Variants in TAF5 observed in about 807,000 individuals in gnomAD.
TAF5 encodes TATA-box binding protein associated factor 5.
A neutral mutation model predicts 80.9 loss-of-function variants in TAF5; 20 were observed. That is an observed-to-expected ratio of 0.25 (90% CI 0.17 to 0.36). The LOEUF (loss-of-function observed/expected upper bound fraction) is 0.36, where lower values mean the gene tolerates loss of function less well. Among genes scored for constraint, TAF5 ranks in the 10% least tolerant of loss-of-function variants. TAF5 has a pLI of 1.00. For missense variants in TAF5, 863 were observed against 1,029.4 expected (o/e 0.84, Z 2.21); for synonymous variants, 388 against 406.4 (o/e 0.95, Z 0.55).
At chr10:103,383,954 CTTTTTT>C (rs140392430) in intron 7 of TAF5, among the ~76,000 whole-genome samples, 1 of 148,678 alleles carries the variant, frequency 6.7e-6, no homozygotes. Context: ...TAGTATTTCC[CTTTTTT>C]TTTTTTAATT....
Position 103,388,096 on chromosome 10 carries a change from T to C in TAF5, c.2276T>C (p.Ile759Thr), listed in dbSNP as rs1035308553. 6.2e-7 allele frequency: 1 copy of C among 1,614,086 alleles called. No homozygotes were observed. Among genetic ancestry groups the C allele is most frequent in the Admixed American group, 1.7e-5 (1 of 60,026 alleles). Residue 759 changes from isoleucine to threonine, a missense_variant, in exon 11 of 11, where the codon ATA becomes ACA. Transcript: ENST00000369839. ...GACTTTACTACAGCCACTGGGCATA[T>C]AAATTTACCTGAGAATTCACAGGAG... ...TDDFTTATGH[I>T]NLPENSQELL...
chr10:103,368,612 G>A lies in TAF5; in HGVS notation c.559+64G>A, dbSNP rs191723526. ...AGGGGAGCAAGCCGGTAAGGCAGGG[G>A]CTGGCAGGCCTGCACCTCTGCGGGC... On this transcript the variant is annotated intron_variant, in intron 1 of 10. Coordinates refer to ENST00000369839, the MANE Select transcript of TAF5 (RefSeq NM_006951.5). 24 of 1,433,138 alleles carry A rather than the reference G, an allele frequency of 1.7e-5. No homozygotes were observed. In the East Asian group the frequency reaches 3.4e-4, roughly 20 times the overall value. The allele number at this position is 1,433,138 out of a possible 1,614,324, so 88.8% of individuals were successfully genotyped here. A position where few individuals can be genotyped will look rare whatever the true frequency, so the allele number is the denominator to read the frequency against.
intron 6 of TAF5, among the ~76,000 whole-genome samples, chr10:103,382,308 C>G (rs1327946313): frequency 6.6e-6 from 1 of 152,150 alleles, no homozygotes; most frequent in East Asian, 1.9e-4. Flanking sequence ...GCCTCTACCT[C>G]CCAGGTTCAA....
intron 1 of TAF5, 133 bp from the exon 2 acceptor site, chr10:103,373,225 T>C: frequency 1.5e-6 from 1 of 685,188 alleles, no homozygotes; most frequent in Middle Eastern, 3.8e-4. Context: ...TATGTGATTG[T>C]GTTGAGGAAG....
chr10:103,378,128 A>T lies in TAF5; in HGVS notation c.798-107A>T, dbSNP rs956150843. On this transcript the variant is annotated intron_variant, in intron 2 of 10. Coordinates refer to ENST00000369839, the MANE Select transcript of TAF5 (RefSeq NM_006951.5). This position sits in a 1 kb window ranked among gnomAD's most constrained non-coding sequence, Gnocchi z 4.1. ...CCTACAGCTTAGTTCAGGATTATTT[A>T]GACTACTACATTGAAAATATTCTGG... 1 of 908,436 alleles carries T rather than the reference A, an allele frequency of 1.1e-6. No homozygotes were observed. The highest frequency in any genetic ancestry group is 1.7e-6 in the Non-Finnish European group (1 of 602,956). The allele number at this position is 908,436 out of a possible 1,614,324, so 56.3% of individuals were successfully genotyped here.
At chr10:103,387,941 T>C in intron 10 of TAF5, 65 bp from the exon 11 acceptor site, 1 of 1,455,770 alleles carries the variant, frequency 6.9e-7, no homozygotes, top group Non-Finnish European at 9.6e-7. Context: ...CATAGTGTAG[T>C]GGACAAAATG....
chr10:103,379,694 T>C lies in TAF5; in HGVS notation c.1200T>C (p.Pro400=), dbSNP rs2093377759. The C allele has an allele frequency of 1.2e-6, 2 of 1,610,504 alleles. No individual in the cohort carries two copies. The highest frequency in any genetic ancestry group is 1.7e-6 in the Non-Finnish European group (2 of 1,179,310). Residue 400 remains proline, a synonymous_variant, in exon 4 of 11, where the codon CCT becomes CCC. Transcript: ENST00000369839. ...DEEGENEEGK[P]KKKKPKKDSI... ...AGGGAGAAAATGAAGAAGGAAAACCTAAAAAGAAGAAGCCTAAAAAAGATA... is the reference window on the plus strand; with the variant it reads ...AGGGAGAAAATGAAGAAGGAAAACCCAAAAAGAAGAAGCCTAAAAAAGATA...
intron 1 of TAF5, among the ~76,000 whole-genome samples, chr10:103,370,627 A>G (rs943019096): frequency 1.3e-5 from 2 of 151,796 alleles, no homozygotes; most frequent in African/African-American, 4.8e-5. Flanking sequence ...GTGCCCGGCC[A>G]CTTGAGGCAC....
chr10:103,385,530 A>C, intron 8 of TAF5, 40 bp downstream of exon 8: 1 of 1,597,972 alleles, frequency 6.3e-7, no homozygotes, highest in Non-Finnish European at 8.5e-7. Flanking sequence ...CTATTCAATG[A>C]ACAGAATGGT....
intron 6 of TAF5, among the ~76,000 whole-genome samples, 183 bp downstream of exon 6, chr10:103,382,024 A>G (rs1180889599): frequency 1.3e-5 from 2 of 152,148 alleles, no homozygotes; most frequent in African/African-American, 4.8e-5. Context: ...AGACTGGTTT[A>G]ATTTCTTTAG....
chr10:103,379,118 C>T (rs1209635965), intron 3 of TAF5, among the ~76,000 whole-genome samples: 1 of 152,078 alleles, frequency 6.6e-6, no homozygotes, highest in African/African-American at 2.4e-5. Context: ...GAAGGCCTTC[C>T]AGGGCTGGCA....
chr10:103,381,992 G>T (rs995863377), intron 6 of TAF5, 151 bp downstream of exon 6: 54 of 1,147,354 alleles, frequency 4.7e-5, no homozygotes, highest in Non-Finnish European at 6.0e-5. Flanking sequence ...AGTGAAAAAA[G>T]CTTTGGAGTG....
At chr10:103,371,020 C>T (rs1285072257) in intron 1 of TAF5, among the ~76,000 whole-genome samples, 2 of 152,112 alleles carry the variant, frequency 1.3e-5, no homozygotes, top group Non-Finnish European at 2.9e-5. Context: ...GCGGGTGGGT[C>T]ACTTGAGGTC....
At chr10:103,372,904 A>G (rs912641276) in intron 1 of TAF5, among the ~76,000 whole-genome samples, 23 of 151,286 alleles carry the variant, frequency 1.5e-4, no homozygotes, top group African/African-American at 5.6e-4. Flanking sequence ...TTAAAAAGAA[A>G]AAAAAAAAAG....
At chr10:103,368,812 G>C (rs2093352118) in intron 1 of TAF5, among the ~76,000 whole-genome samples, 1 of 152,202 alleles carries the variant, frequency 6.6e-6, no homozygotes, top group East Asian at 1.9e-4. Flanking sequence ...GGATCTTCAC[G>C]CTCTTGGTCC....
At chr10:103,373,315 C>A in intron 1 of TAF5, 43 bp from the exon 2 acceptor site, 1 of 1,538,154 alleles carries the variant, frequency 6.5e-7, no homozygotes, top group South Asian at 1.2e-5. Flanking sequence ...GTCACATGGT[C>A]ATAATAGGTC....
intron 7 of TAF5, among the ~76,000 whole-genome samples, chr10:103,384,131 A>C (rs919620958): frequency 1.1e-4 from 17 of 152,164 alleles, no homozygotes; most frequent in African/African-American, 4.1e-4. Flanking sequence ...TTAGCTAGTA[A>C]TTGAGGATTA....
In TAF5 at chr10:103,381,860, T is replaced by C. The variant is rs763525546; in HGVS notation, c.1534+19T>C. 2 of 1,614,140 alleles carry C rather than the reference T, an allele frequency of 1.2e-6. No individual in the cohort carries two copies. Among genetic ancestry groups the C allele is most frequent in the South Asian group, 1.1e-5 (1 of 91,076 alleles). On this transcript the variant is annotated intron_variant, in intron 6 of 10. Transcript: ENST00000369839. ...GCATCAGGTAACTGAGATGACCTTT[T>C]GGAATGTGAACTTGCCATTAGTCTA...
At chr10:103,372,667 A>T (rs1436885057) in intron 1 of TAF5, among the ~76,000 whole-genome samples, 1 of 149,546 alleles carries the variant, frequency 6.7e-6, no homozygotes, top group Admixed American at 6.6e-5. Flanking sequence ...TTTGGGAGGC[A>T]GGTGGATCAC....
Sources: allele counts gnomAD v4.1 joint callset (sites outside exome capture counted in the v4.1 genomes callset), GRCh38; gene constraint gnomAD v4.1.1; non-coding constraint Gnocchi (gnomAD v3.1); transcripts MANE v1.5; gene names NCBI Gene and HGNC (gene_info 2026-07-23, HGNC 2026-07-21).